ADGRL4: variants seen among roughly 807,000 people sequenced by gnomAD.
ADGRL4 encodes adhesion G protein-coupled receptor L4.
A neutral mutation model predicts 74.8 loss-of-function variants in ADGRL4; 90 were observed. The observed-to-expected ratio is 1.20, with a 90% CI of 1.02 to 1.43. The LOEUF (loss-of-function observed/expected upper bound fraction) is 1.43, where lower values mean the gene tolerates loss of function less well. Ranked by LOEUF, ADGRL4 falls within the 40% of genes most tolerant of loss-of-function variation. ADGRL4 has a pLI of 0.00. For synonymous variants in ADGRL4, 311 were observed against 279.2 expected (o/e 1.11, Z -1.14); for missense variants, 881 against 814.3 (o/e 1.08, Z -1.00).
At chr1:78,935,544 A>C (rs1035873086) in intron 7 of ADGRL4, among the ~76,000 whole-genome samples, 2 of 132,050 alleles carry the variant, frequency 1.5e-5, no homozygotes, top group African/African-American at 5.7e-5. Context: ...AAAAAAAAAC[A>C]AACCTACTTT....
intron 6 of ADGRL4, 69 bp downstream of exon 6, chr1:78,937,738 C>G: frequency 5.5e-6 from 8 of 1,457,326 alleles, no homozygotes; most frequent in Non-Finnish European, 7.5e-6. Context: ...CCTCCTAACC[C>G]CACCCAAAAC....
chr1:78,939,260 T>C lies in ADGRL4; in HGVS notation c.326-2A>G. ...AATGGCAGTTTGCATTCACATTTTC[T>C]GTAAAAAAAGAAAATAGATTATACA... is the stretch of plus-strand genomic sequence containing the variant. On this transcript the variant is annotated splice_acceptor_variant, in intron 3 of 14. Coordinates refer to ENST00000370742, the MANE Select transcript of ADGRL4 (RefSeq NM_022159.4). LOFTEE classifies it high-confidence loss of function. 6.4e-7 allele frequency: 1 copy of C among 1,561,450 alleles called. No individual in the cohort carries two copies. The highest frequency in any genetic ancestry group is 1.2e-5 in the South Asian group (1 of 82,786).
rs376405445 is a variant in ADGRL4 at position 78,945,177 on chromosome 1, A to AAAAAAAAAAAAAAT, written c.325+1096_325+1097insATTTTTTTTTTTTT. ...GAGACTCTGTCTCAAAAAAAAAAAA[A>AAAAAAAAAAAAAAT]ATATATATATATATATATATCTCAA... On this transcript the variant is annotated intron_variant, in intron 3 of 14. Transcript: ENST00000370742. Among the ~76,000 whole-genome samples, 3 of 127,924 alleles carry AAAAAAAAAAAAAAT rather than the reference A, an allele frequency of 2.3e-5. No homozygotes were observed. The East Asian group carries it at 8.2e-4, about 35-fold the overall frequency. 83.9% of individuals were successfully genotyped at this position (127,924 alleles called of 152,430 possible). A position where few individuals can be genotyped will look rare whatever the true frequency, so the allele number is the denominator to read the frequency against.
intron 11 of ADGRL4, 40 bp downstream of exon 11, chr1:78,917,790 A>C (rs1166049472): frequency 6.3e-7 from 1 of 1,598,396 alleles, no homozygotes; most frequent in South Asian, 1.1e-5. Context: ...AGCACATTCA[A>C]AATCGTATTT....
At chr1:78,913,025 CAT>C (rs1309999165) in intron 12 of ADGRL4, among the ~76,000 whole-genome samples, 1 of 151,840 alleles carries the variant, frequency 6.6e-6, no homozygotes, top group Non-Finnish European at 1.5e-5. Flanking sequence ...GGCCAACAAG[CAT>C]ATGAAAAAAT....
intron 2 of ADGRL4, among the ~76,000 whole-genome samples, chr1:78,993,004 C>T (rs1172438585): frequency 6.6e-6 from 1 of 151,796 alleles, no homozygotes; most frequent in African/African-American, 2.4e-5. Context: ...TCTACATTCT[C>T]CTAAACATGT....
At chr1:78,920,034 AT>A in intron 10 of ADGRL4, 148 bp downstream of exon 10, 1 of 617,280 alleles carries the variant, frequency 1.6e-6, no homozygotes. Context: ...TGTTAGCATT[AT>A]CAAACTTAGA....
At chr1:78,908,441 C>T (rs937910689) in intron 12 of ADGRL4, among the ~76,000 whole-genome samples, 1 of 151,926 alleles carries the variant, frequency 6.6e-6, no homozygotes, top group African/African-American at 2.4e-5. Context: ...AATAGCAGAA[C>T]CCCTGTAGGT....
chr1:78,915,904 G>A lies in ADGRL4; in HGVS notation c.1749+1730C>T, dbSNP rs566896823. ...TAAGAATTTCTTAGTATTTAAAAAA[G>A]GTATTATAAAAGATGAGAAATATTT... On this transcript the variant is annotated intron_variant, in intron 12 of 14. Transcript: ENST00000370742. 2.4e-4 allele frequency among the ~76,000 whole-genome samples: 36 copies of A among 151,776 alleles called. No individual in the cohort carries two copies. In the South Asian group the frequency reaches 5.4e-3, roughly 23 times the overall value.
chr1:78,921,693 A>G lies in ADGRL4; in HGVS notation c.1177T>C (p.Tyr393His). The G allele has an allele frequency of 6.2e-7, 1 of 1,604,014 alleles. No individual in the cohort carries two copies. Among genetic ancestry groups the G allele is most frequent in the Admixed American group, 1.7e-5 (1 of 58,434 alleles). ...SWSSEGCELT[Y>H]SNETHTSCRC... ...CATGAGGTGTGGGTCTCATTTGAGT[A>G]TGTCAGCTCACAGCCCTCTGAAGAC... Residue 393 changes from tyrosine to histidine, a missense_variant, in exon 9 of 15, where the codon TAC becomes CAC. Tyr to His is a moderately conservative substitution (Grantham distance 83, BLOSUM62 2). Coordinates refer to ENST00000370742, the MANE Select transcript of ADGRL4 (RefSeq NM_022159.4).
intron 7 of ADGRL4, among the ~76,000 whole-genome samples, chr1:78,928,039 G>A (rs113864332): frequency 0.031 from 4,591 of 150,222 alleles, 137 homozygotes; most frequent in South Asian, 0.053. Context: ...GCTATAAACA[G>A]ATGAGGGCCT....
intron 2 of ADGRL4, among the ~76,000 whole-genome samples, chr1:78,954,428 G>A (rs1384003988): frequency 6.6e-6 from 1 of 151,978 alleles, no homozygotes; most frequent in Non-Finnish European, 1.5e-5. Context: ...ACAAAACTCT[G>A]AGTAAAAACA....
At chr1:79,004,735 A>G (rs1180308846) in intron 2 of ADGRL4, among the ~76,000 whole-genome samples, 1 of 152,150 alleles carries the variant, frequency 6.6e-6, no homozygotes, top group African/African-American at 2.4e-5. Context: ...AGGGTATATG[A>G]AGGCGATACA....
At chr1:79,004,068 C>G (rs1014841815) in intron 2 of ADGRL4, among the ~76,000 whole-genome samples, 2 of 151,882 alleles carry the variant, frequency 1.3e-5, no homozygotes, top group Non-Finnish European at 2.9e-5. Flanking sequence ...TTTTAAAGAG[C>G]CTATATAATT....
intron 2 of ADGRL4, among the ~76,000 whole-genome samples, chr1:78,969,397 T>C (rs1409784466): frequency 1.3e-5 from 2 of 152,224 alleles, no homozygotes; most frequent in African/African-American, 4.8e-5. Context: ...AGACAGTCCC[T>C]GTACAGGGTT....
Position 78,893,107 on chromosome 1 carries a change from T to A in ADGRL4, c.1832A>T (p.Glu611Val), listed in dbSNP as rs573106187. The change falls in exon 13 of 15, where the codon GAG (glutamate) becomes GTG (valine). Residue 611 changes from glutamate (E) to valine (V), a missense_variant. Transcript: ENST00000370742. ...TTAAAGACGCATTTACCTTATGTTC[T>A]CAAAGCAACTAACTTCTGGTTTCAA... The part of the protein sequence containing the change: ...AGLKPEVSCF[E>V]NIRSCARGAL... 3 of 1,582,120 alleles carry A rather than the reference T, an allele frequency of 1.9e-6. No individual in the cohort carries two copies. In the South Asian group the frequency reaches 3.5e-5, roughly 19 times the overall value.
chr1:78,917,883 C>T lies in ADGRL4; in HGVS notation c.1629G>A (p.Val543=). ...CTAGTGCTGCCGAAAATCCAACTAC[C>T]ACGGCTGGGCTTAGATAGCCAAAGA... is the stretch of plus-strand genomic sequence containing the variant. The part of the protein sequence containing the change: ...FYIFGYLSPA[V]VVGFSAALGY... Residue 543 remains valine (V), a synonymous_variant, in exon 11 of 15, where the codon GTG becomes GTA. Coordinates refer to ENST00000370742, the MANE Select transcript of ADGRL4 (RefSeq NM_022159.4). 1 of 1,612,538 alleles carries T rather than the reference C, an allele frequency of 6.2e-7. No individual in the cohort carries two copies. The highest frequency in any genetic ancestry group is 8.5e-7 in the Non-Finnish European group (1 of 1,179,086).
At chr1:78,959,803 T>C (rs1479755890) in intron 2 of ADGRL4, among the ~76,000 whole-genome samples, 1 of 152,172 alleles carries the variant, frequency 6.6e-6, no homozygotes, top group Non-Finnish European at 1.5e-5. Context: ...CTCTCAAGGA[T>C]AGACACTTTT....
intron 7 of ADGRL4, among the ~76,000 whole-genome samples, chr1:78,934,796 GA>G (rs1283800975): frequency 2.6e-5 from 4 of 151,700 alleles, no homozygotes; most frequent in African/African-American, 7.3e-5. Context: ...CAACAAACAT[GA>G]AAAAAAAGCT....
Sources: allele counts gnomAD v4.1 joint callset (sites outside exome capture counted in the v4.1 genomes callset), GRCh38; gene constraint gnomAD v4.1.1; transcripts MANE v1.5; gene names NCBI Gene and HGNC (gene_info 2026-07-23, HGNC 2026-07-21).